THSD7A: variants seen among roughly 807,000 people sequenced by gnomAD.
The protein encoded by THSD7A is thrombospondin type-1 domain-containing protein 7A.
THSD7A carries 96 observed loss-of-function variants against 231.3 expected under a neutral mutation model. The ratio of observed to expected loss-of-function variants is 0.41; its 90% CI spans 0.35 to 0.49. The LOEUF (loss-of-function observed/expected upper bound fraction) is 0.49. Among genes scored for constraint, THSD7A ranks in the 20% least tolerant of loss-of-function variants. The pLI, the probability that THSD7A is intolerant of heterozygous loss-of-function variation, is 0.05. For synonymous variants in THSD7A, 940 were observed against 743.3 expected (o/e 1.26, Z -4.30); for missense variants, 2,290 against 2,070.2 (o/e 1.11, Z -2.06).
At chr7:11,540,472 C>G (rs186772427) in intron 6 of THSD7A, among the ~76,000 whole-genome samples, 5 of 152,286 alleles carry the variant, frequency 3.3e-5, no homozygotes, top group African/African-American at 7.2e-5. Flanking sequence ...TCCAGTACCC[C>G]CAAGGGGGCA....
Position 11,373,351 on chromosome 7 carries a change from A to G in THSD7A, c.*2443T>C, listed in dbSNP as rs1049951093. ...AACCACAATAGAGTCTTTCTTAACT[A>G]TTTTGGACAAATGGAGTTTATTTTA... is the stretch of plus-strand genomic sequence containing the variant. On this transcript the variant is annotated 3_prime_UTR_variant, in exon 28 of 28. Transcript: ENST00000423059. 4.6e-5 allele frequency: 7 copies of G among 151,990 alleles called. No homozygotes were observed. The highest frequency in any genetic ancestry group is 1.7e-4 in the African/African-American group (7 of 41,406). The allele number at this position is 151,990 out of a possible 1,614,324, so 9.4% of individuals were successfully genotyped here.
chr7:11,494,609 T>C (rs1056406792), intron 6 of THSD7A, among the ~76,000 whole-genome samples: 2 of 152,058 alleles, frequency 1.3e-5, no homozygotes, highest in East Asian at 1.9e-4. Context: ...AATATGGCAA[T>C]TCAAGTGGGA....
At chr7:11,630,528 G>A (rs903533156) in intron 2 of THSD7A, among the ~76,000 whole-genome samples, 5 of 152,170 alleles carry the variant, frequency 3.3e-5, no homozygotes, top group African/African-American at 1.2e-4. Context: ...ATTTGTGCCT[G>A]AAGTATCTGC....
chr7:11,481,079 T>G (rs1786404156), intron 7 of THSD7A, among the ~76,000 whole-genome samples: 1 of 152,160 alleles, frequency 6.6e-6, no homozygotes, highest in Non-Finnish European at 1.5e-5. Context: ...TGACATTATA[T>G]TACCCAGTCA....
At chr7:11,549,419 C>A (rs936716115) in intron 4 of THSD7A, among the ~76,000 whole-genome samples, 6 of 152,146 alleles carry the variant, frequency 3.9e-5, no homozygotes, top group African/African-American at 1.4e-4. Context: ...CCAACAATCC[C>A]TTTACTGGGT....
At chr7:11,451,222 A>T (rs530371585) in intron 11 of THSD7A, among the ~76,000 whole-genome samples, 7 of 152,188 alleles carry the variant, frequency 4.6e-5, no homozygotes, top group African/African-American at 1.7e-4. Context: ...GAAATACACG[A>T]ACCAAATGCA....
At chr7:11,419,222 G>A (rs1009713473) in intron 16 of THSD7A, among the ~76,000 whole-genome samples, 3 of 152,118 alleles carry the variant, frequency 2.0e-5, no homozygotes, top group African/African-American at 4.8e-5. Flanking sequence ...TGATTTGGCT[G>A]TGTGTCCCCA....
chr7:11,426,886 G>C (rs1562600875), intron 14 of THSD7A, among the ~76,000 whole-genome samples: 1 of 152,138 alleles, frequency 6.6e-6, no homozygotes, highest in African/African-American at 2.4e-5. Context: ...ACACAAATGG[G>C]TATTGTAAAT....
Position 11,474,271 on chromosome 7 carries a change from G to T in THSD7A, c.2252+63C>A. ...TGTTCCATTTCATGAAGCCAGTGAAGCCTGAGCCAATCCTCTGCACAGGTG... is the reference window on the plus strand; with the variant it reads ...TGTTCCATTTCATGAAGCCAGTGAATCCTGAGCCAATCCTCTGCACAGGTG... On this transcript the variant is annotated intron_variant, in intron 8 of 27. Coordinates refer to ENST00000423059, the MANE Select transcript of THSD7A (RefSeq NM_015204.3). This position sits in a 1 kb window ranked among gnomAD's most constrained non-coding sequence, Gnocchi z 4.1. 7.3e-7 allele frequency: 1 copy of T among 1,373,326 alleles called. No individual in the cohort carries two copies. The highest frequency in any genetic ancestry group is 1.0e-6 in the Non-Finnish European group (1 of 992,770). The allele number at this position is 1,373,326 out of a possible 1,614,324, so 85.1% of individuals were successfully genotyped here.
intron 6 of THSD7A, among the ~76,000 whole-genome samples, chr7:11,488,439 A>G (rs1456114587): frequency 1.3e-5 from 2 of 152,120 alleles, no homozygotes; most frequent in Non-Finnish European, 2.9e-5. Flanking sequence ...AATCACCCTC[A>G]GCTTACTGAA....
At position 11,521,544 on chromosome 7, in the gene THSD7A, GGTTA is replaced by G. The variant is rs1374126814; in HGVS notation, c.1822+19871_1822+19874del. Reference sequence around the variant, plus strand: ...TTAGGGTACATGTGCACATTGTGCAGGTTAGTTACATATGTATACATGTGCCATG... The same window carrying G: ...TTAGGGTACATGTGCACATTGTGCAGGTTACATATGTATACATGTGCCATG... On this transcript the variant is annotated intron_variant, in intron 6 of 27. Transcript: ENST00000423059. 5.7e-5 allele frequency among the ~76,000 whole-genome samples: 8 copies of G among 140,672 alleles called. No individual in the cohort carries two copies. The South Asian group carries it at 1.3e-3, about 23-fold the overall frequency. The allele number at this position is 140,672 out of a possible 152,430, so 92.3% of individuals were successfully genotyped here.
At chr7:11,746,322 C>G (rs1310116724) in intron 1 of THSD7A, among the ~76,000 whole-genome samples, 1 of 151,710 alleles carries the variant, frequency 6.6e-6, no homozygotes, top group African/African-American at 2.4e-5. Context: ...ACTAAGAAAC[C>G]AACACTGGTA....
chr7:11,700,096 ATT>A (rs1280408442), intron 1 of THSD7A, among the ~76,000 whole-genome samples: 1 of 151,290 alleles, frequency 6.6e-6, no homozygotes, highest in African/African-American at 2.4e-5. Context: ...AAGATTTACT[ATT>A]TTCATAAAGT....
chr7:11,652,572 T>C (rs1562444885), intron 1 of THSD7A, among the ~76,000 whole-genome samples: 1 of 152,040 alleles, frequency 6.6e-6, no homozygotes, highest in South Asian at 2.1e-4. Context: ...AATTGGTATG[T>C]ATATGTCTGT....
chr7:11,440,967 CAATGGATGCAGCAA>C (rs1377124072), intron 13 of THSD7A, among the ~76,000 whole-genome samples: 1 of 151,950 alleles, frequency 6.6e-6, no homozygotes, highest in Non-Finnish European at 1.5e-5. Flanking sequence ...ATGAAAAAGT[CAATGGATGCAGCAA>C]AATTCATTAC....
chr7:11,400,202 C>T (rs1160298623), intron 23 of THSD7A, among the ~76,000 whole-genome samples: 1 of 150,654 alleles, frequency 6.6e-6, no homozygotes, highest in Non-Finnish European at 1.5e-5. Context: ...AGAAGATATA[C>T]CTAATGTAAA....
At chr7:11,800,803 T>G (rs1784253233) in intron 1 of THSD7A, among the ~76,000 whole-genome samples, 1 of 152,124 alleles carries the variant, frequency 6.6e-6, no homozygotes, top group Admixed American at 6.6e-5. Flanking sequence ...CTAGAGCTCT[T>G]CTCTACAACA....
chr7:11,694,267 A>G (rs1780321117), intron 1 of THSD7A, among the ~76,000 whole-genome samples: 1 of 151,478 alleles, frequency 6.6e-6, no homozygotes, highest in African/African-American at 2.4e-5. Flanking sequence ...GCCTCCATAC[A>G]TTAGAAGCAA....
At chr7:11,466,553 T>C (rs898352940) in intron 9 of THSD7A, among the ~76,000 whole-genome samples, 1 of 152,104 alleles carries the variant, frequency 6.6e-6, no homozygotes, top group African/African-American at 2.4e-5. Flanking sequence ...CTTTAAAAAA[T>C]TTTTATTTCC....
Sources: allele counts gnomAD v4.1 joint callset (sites outside exome capture counted in the v4.1 genomes callset), GRCh38; gene constraint gnomAD v4.1.1; non-coding constraint Gnocchi (gnomAD v3.1); transcripts MANE v1.5; gene names NCBI Gene and HGNC (gene_info 2026-07-23, HGNC 2026-07-21).